DPP6: variants seen among roughly 807,000 people sequenced by gnomAD.
DPP6 encodes the protein A-type potassium channel modulatory protein DPP6.
A neutral mutation model predicts 122.6 loss-of-function variants in DPP6; 69 were observed. The observed-to-expected ratio is 0.56, with a 90% confidence interval of 0.46 to 0.69. The LOEUF (loss-of-function observed/expected upper bound fraction) is 0.69. DPP6 is among the 30% of genes least tolerant of loss of function. The pLI is 0.00. For missense variants in DPP6, 928 were observed against 1,116.9 expected (o/e 0.83, Z 2.41); for synonymous variants, 418 against 433.1 (o/e 0.97, Z 0.43).
At chr7:153,846,792 A>C in the DPP6 span, among the ~76,000 whole-genome samples, 1 of 144,866 alleles carries the variant, frequency 6.9e-6, no homozygotes, top group Non-Finnish European at 1.5e-5. Context: ...TCCTGGGTTC[A>C]CGCCATTCTC....
chr7:154,017,071 A>G (rs964262274), intron 1 of DPP6, among the ~76,000 whole-genome samples: 8 of 152,148 alleles, frequency 5.3e-5, no homozygotes, highest in African/African-American at 1.7e-4. Flanking sequence ...ATAGTTAACA[A>G]TATATGTTTT....
At chr7:154,531,260 C>T (rs559123813) in intron 3 of DPP6, among the ~76,000 whole-genome samples, 4 of 152,176 alleles carry the variant, frequency 2.6e-5, no homozygotes, top group African/African-American at 9.6e-5. Context: ...AAAGGCAGCA[C>T]GTAAATCTTA....
intron 2 of DPP6, among the ~76,000 whole-genome samples, chr7:154,455,481 T>C (rs895652402): frequency 6.6e-6 from 1 of 152,178 alleles, no homozygotes; most frequent in Non-Finnish European, 1.5e-5. Context: ...ATTCTTTAAA[T>C]TGAAACAAAT....
At chr7:154,387,512 G>A (rs1464348279) in intron 1 of DPP6, among the ~76,000 whole-genome samples, 1 of 152,238 alleles carries the variant, frequency 6.6e-6, no homozygotes, top group Non-Finnish European at 1.5e-5. Context: ...GGTGGGCCCA[G>A]GCCATGGACA....
upstream of DPP6, among the ~76,000 whole-genome samples, chr7:154,052,048 C>T (rs1157462044): frequency 1.3e-5 from 2 of 151,428 alleles, no homozygotes; most frequent in South Asian, 2.1e-4. This position sits in a 1 kb window ranked among gnomAD's most constrained non-coding sequence, Gnocchi z 4.8. Flanking sequence ...CACCTTCAGT[C>T]GCCCCCTGGC....
At chr7:154,575,107 CTGTT>C (rs1333102007) in intron 5 of DPP6, among the ~76,000 whole-genome samples, 3 of 63,522 alleles carry the variant, frequency 4.7e-5, no homozygotes, top group Non-Finnish European at 8.9e-5. Flanking sequence ...GGTGTGTATG[CTGTT>C]TGTGTGTGTG....
At chr7:154,390,512 T>G (rs550498450) in intron 1 of DPP6, among the ~76,000 whole-genome samples, 61 of 152,274 alleles carry the variant, frequency 4.0e-4, no homozygotes, top group African/African-American at 1.3e-3. Context: ...GCAGAAAAAC[T>G]GTAAGATCTG....
At chr7:154,470,030 G>A (rs1822127341) in intron 2 of DPP6, among the ~76,000 whole-genome samples, 1 of 152,216 alleles carries the variant, frequency 6.6e-6, no homozygotes, top group Non-Finnish European at 1.5e-5. Context: ...TTTGTGAAGT[G>A]TTGGTAAGGA....
intron 10 of DPP6, among the ~76,000 whole-genome samples, chr7:154,784,982 T>C (rs1388351002): frequency 6.6e-6 from 1 of 152,148 alleles, no homozygotes; most frequent in Non-Finnish European, 1.5e-5. Context: ...TCTTATGAAC[T>C]TGGTCTGGTT....
At chr7:154,682,828 A>ATG (rs1457976881) in intron 7 of DPP6, among the ~76,000 whole-genome samples, 5 of 152,186 alleles carry the variant, frequency 3.3e-5, no homozygotes, top group African/African-American at 1.2e-4. Context: ...CACTTCTCTG[A>ATG]TGTGTGGGGA....
In DPP6 at chr7:153,942,724, C is replaced by T. The variant is rs926768082; in HGVS notation, c.51+54990C>T. 3.3e-5 allele frequency among the ~76,000 whole-genome samples: 5 copies of T among 152,170 alleles called. No homozygotes were observed. The South Asian group carries it at 1.0e-3, about 32-fold the overall frequency. On this transcript the variant is annotated intron_variant, in intron 1 of 25. Coordinates refer to the DPP6 transcript ENST00000404039. ...GCAGTGGGCACAGGAAGGTGGGATC[C>T]CTGGGCTGCTCACGAGGCCGCCCCA...
chr7:153,802,912 C>G, the DPP6 span, among the ~76,000 whole-genome samples: 1 of 152,122 alleles, frequency 6.6e-6, no homozygotes, highest in Non-Finnish European at 1.5e-5. Flanking sequence ...TCGCCCCAAT[C>G]ACTGCACAGC....
chr7:154,020,885 T>C (rs1386640175), intron 1 of DPP6, among the ~76,000 whole-genome samples: 1 of 152,042 alleles, frequency 6.6e-6, no homozygotes, highest in East Asian at 1.9e-4. Flanking sequence ...AGGGCAAGAC[T>C]CCTTGGTGAC....
In DPP6 at chr7:154,366,611, C is replaced by T. The variant is rs192578959; in HGVS notation, c.244-79603C>T. On this transcript the variant is annotated intron_variant, in intron 1 of 25. Transcript: ENST00000377770. ...AGATTTAGGTAATCTGAGAGTTCCC[C>T]CCAAGTGATTGCAGTGTACAACCAT... Among the ~76,000 whole-genome samples, 489 of 152,304 alleles carry T rather than the reference C, an allele frequency of 3.2e-3. 1 individual carries two copies. The highest frequency in any genetic ancestry group is 6.8e-3 in the Middle Eastern group (2 of 294).
chr7:154,313,709 ATATAT>A lies in DPP6; in HGVS notation c.244-132504_244-132500del, dbSNP rs1807137392. Among the ~76,000 whole-genome samples the A allele has an allele frequency of 3.4e-4, 11 of 32,112 alleles. 3 individuals are homozygous for A. The Admixed American group carries it at 3.5e-3, about 10-fold the overall frequency. The allele number at this position is 32,112 out of a possible 152,430, so 21.1% of individuals were successfully genotyped here. ...GGTATATATATATATATATATATATATATATACACACACACGCACGCACACACACA... is the reference window on the plus strand; with the variant it reads ...GGTATATATATATATATATATATATAACACACACACGCACGCACACACACA... On this transcript the variant is annotated intron_variant, in intron 1 of 25. Coordinates refer to ENST00000377770, the MANE Select transcript of DPP6 (RefSeq NM_130797.4).
At chr7:154,182,920 G>A (rs747870486) in intron 1 of DPP6, among the ~76,000 whole-genome samples, 1 of 152,082 alleles carries the variant, frequency 6.6e-6, no homozygotes, top group Non-Finnish European at 1.5e-5. Context: ...CCTTTCCTGA[G>A]CCCTCCTTTC....
intron 7 of DPP6, among the ~76,000 whole-genome samples, chr7:154,682,418 C>T (rs3807228): frequency 0.086 from 13,054 of 152,284 alleles, 636 homozygotes; most frequent in East Asian, 0.15. Flanking sequence ...TGATCGTCTC[C>T]GCAGTGTCAT....
chr7:154,568,377 G>C (rs1830895540), intron 5 of DPP6, among the ~76,000 whole-genome samples: 1 of 152,240 alleles, frequency 6.6e-6, no homozygotes, highest in Admixed American at 6.5e-5. Flanking sequence ...ATTGATTTCA[G>C]GTTATCCTCC....
chr7:154,029,344 G>A (rs532245929), intron 1 of DPP6, among the ~76,000 whole-genome samples: 77 of 150,840 alleles, frequency 5.1e-4, no homozygotes, highest in Non-Finnish European at 1.0e-3. Flanking sequence ...GTGAAACCCC[G>A]TCTCTACTAA....
Sources: gnomAD v4.1 joint callset for allele counts (sites outside exome capture counted in the v4.1 genomes callset) on GRCh38, gnomAD v4.1.1 for gene constraint, Gnocchi (gnomAD v3.1) non-coding constraint, MANE v1.5 for transcripts, NCBI Gene and HGNC (gene_info 2026-07-23, HGNC 2026-07-21) for gene names.